ADAM10: variants seen among roughly 807,000 people sequenced by gnomAD.
ADAM10 encodes ADAM metallopeptidase domain 10.
ADAM10 carries 17 observed loss-of-function variants against 90.1 expected under a neutral mutation model. The ratio of observed to expected loss-of-function variants is 0.19; its 90% CI spans 0.13 to 0.28. ADAM10 has a LOEUF of 0.28. Ranked by LOEUF, ADAM10 falls within the 10% of genes least tolerant of loss-of-function variation. The probability of loss-of-function intolerance (pLI) is 1.00; values close to 1 mark genes in which losing one functional copy is unlikely to be tolerated. For missense variants in ADAM10, 610 were observed against 914.3 expected (o/e 0.67, Z 4.29); for synonymous variants, 310 against 298.6 (o/e 1.04, Z -0.40).
At chr15:58,652,200 T>G (rs1325474357) in intron 5 of ADAM10, among the ~76,000 whole-genome samples, 1 of 152,184 alleles carries the variant, frequency 6.6e-6, no homozygotes. Flanking sequence ...ATGGGTTGTC[T>G]CCCCACTTTG....
At position 58,597,299 on chromosome 15, in the gene ADAM10, G is replaced by A. The variant is rs1249063370; in HGVS notation, c.*248C>T. On this transcript the variant is annotated 3_prime_UTR_variant, in exon 16 of 16. Coordinates refer to ENST00000260408, the MANE Select transcript of ADAM10 (RefSeq NM_001110.4). Reference sequence around the variant, plus strand: ...ACATAATAATATTCTAAGACTTTGTGCCATTAAGTTAAAAATATCTGTTCA... The same window carrying A: ...ACATAATAATATTCTAAGACTTTGTACCATTAAGTTAAAAATATCTGTTCA... 3 of 1,292,098 alleles carry A rather than the reference G, an allele frequency of 2.3e-6. No homozygotes were observed. The highest frequency in any genetic ancestry group is 3.2e-6 in the Non-Finnish European group (3 of 946,574). The allele number at this position is 1,292,098 out of a possible 1,614,324, so 80.0% of individuals were successfully genotyped here.
chr15:58,654,444 A>G (rs561935021), intron 5 of ADAM10, among the ~76,000 whole-genome samples: 15 of 152,216 alleles, frequency 9.9e-5, no homozygotes, highest in Admixed American at 6.5e-5. Context: ...AAGTGGCACA[A>G]TCTTTCTCAC....
At chr15:58,736,069 T>C (rs1386083763) in intron 1 of ADAM10, among the ~76,000 whole-genome samples, 1 of 152,182 alleles carries the variant, frequency 6.6e-6, no homozygotes, top group Non-Finnish European at 1.5e-5. Context: ...TTGCTAAATA[T>C]CTTTCTATTT....
chr15:58,609,270 A>G (rs1895367308), intron 14 of ADAM10: 1 of 152,200 alleles, frequency 6.6e-6, no homozygotes, highest in Non-Finnish European at 1.5e-5. Flanking sequence ...CTGCTCAAGT[A>G]TTTGGTTTGA....
chr15:58,602,012 T>C (rs1209873283), intron 14 of ADAM10, among the ~76,000 whole-genome samples: 1 of 152,210 alleles, frequency 6.6e-6, no homozygotes, highest in Non-Finnish European at 1.5e-5. Context: ...CTGCCAAATT[T>C]TACCATGATT....
intron 1 of ADAM10, among the ~76,000 whole-genome samples, chr15:58,723,471 G>A (rs141095197): frequency 6.6e-6 from 1 of 152,084 alleles, no homozygotes; most frequent in African/African-American, 2.4e-5. Context: ...GATCACCTGA[G>A]GTCAGGAGTT....
intron 8 of ADAM10, among the ~76,000 whole-genome samples, chr15:58,639,005 G>GA (rs1281883989): frequency 1.3e-5 from 2 of 152,124 alleles, no homozygotes; most frequent in Non-Finnish European, 2.9e-5. Context: ...GATTTAGGAA[G>GA]AATTTTACCA....
At chr15:58,749,406 G>T in intron 1 of ADAM10, 74 bp downstream of exon 1, 4 of 1,373,866 alleles carry the variant, frequency 2.9e-6, no homozygotes, top group South Asian at 3.5e-5. Flanking sequence ...CGCGAGGCGC[G>T]ACTGGGCTCC....
intron 2 of ADAM10, among the ~76,000 whole-genome samples, chr15:58,689,952 CAAAAA>C (rs1555418399): frequency 9.2e-6 from 1 of 108,898 alleles, no homozygotes; most frequent in Non-Finnish European, 1.9e-5. Flanking sequence ...AGACCCCCCC[CAAAAA>C]AAAAAAAAAA....
In ADAM10 at chr15:58,691,767, C is replaced by T. The variant is rs1417753528; in HGVS notation, c.207-9453G>A. 15 of 342,454 alleles carry T rather than the reference C, an allele frequency of 4.4e-5. No homozygotes were observed. The East Asian group carries it at 1.2e-3, about 27-fold the overall frequency. The allele number at this position is 342,454 out of a possible 1,614,324, so 21.2% of individuals were successfully genotyped here. A position where few individuals can be genotyped will look rare whatever the true frequency, so the allele number is the denominator to read the frequency against. ...GCATGATCTTGGCTCACTGCAACTT[C>T]CGCCTCCCAGGTTCAAGCAATTCTC... On this transcript the variant is annotated intron_variant, in intron 2 of 15. Transcript: ENST00000260408.
intron 5 of ADAM10, among the ~76,000 whole-genome samples, chr15:58,657,175 T>G (rs1213367144): frequency 2.6e-5 from 4 of 152,236 alleles, no homozygotes; most frequent in Non-Finnish European, 5.9e-5. Context: ...TAGTCTTCAT[T>G]GGGTTAAATA....
chr15:58,683,991 A>G (rs1463703034), intron 2 of ADAM10, among the ~76,000 whole-genome samples: 1 of 152,160 alleles, frequency 6.6e-6, no homozygotes, highest in East Asian at 1.9e-4. Context: ...AAAATGGTAC[A>G]GTATTTGTAT....
intron 1 of ADAM10, among the ~76,000 whole-genome samples, chr15:58,730,293 C>T (rs1482840898): frequency 6.6e-6 from 1 of 152,212 alleles, no homozygotes; most frequent in Non-Finnish European, 1.5e-5. Flanking sequence ...TTCCAAATAA[C>T]GTAGAAGAAG....
chr15:58,680,785 G>C (rs1444394020), intron 3 of ADAM10, among the ~76,000 whole-genome samples: 2 of 152,094 alleles, frequency 1.3e-5, no homozygotes, highest in Non-Finnish European at 2.9e-5. Flanking sequence ...CTGGAGGTAA[G>C]AGCCCAAGAC....
chr15:58,591,254 T>C lies in ADAM10; in HGVS notation c.*6293A>G, dbSNP rs1894819272. 1 of 152,196 alleles carries C rather than the reference T, an allele frequency of 6.6e-6. No homozygotes were observed. Among genetic ancestry groups the C allele is most frequent in the African/African-American group, 2.4e-5 (1 of 41,444 alleles). The allele number at this position is 152,196 out of a possible 1,614,324, so 9.4% of individuals were successfully genotyped here. Reference sequence around the variant, plus strand: ...CACCCTAGCAGTTGAAATCAATTAATTATTCATTGTAACTGGAGCAGAATA... The same window carrying C: ...CACCCTAGCAGTTGAAATCAATTAACTATTCATTGTAACTGGAGCAGAATA... On this transcript the variant is annotated 3_prime_UTR_variant, in exon 16 of 16. Coordinates refer to ENST00000260408, the MANE Select transcript of ADAM10 (RefSeq NM_001110.4).
chr15:58,600,909 A>G (rs545238801), intron 14 of ADAM10, among the ~76,000 whole-genome samples: 5 of 152,266 alleles, frequency 3.3e-5, no homozygotes, highest in Non-Finnish European at 7.4e-5. Flanking sequence ...TGACTTAGGG[A>G]CTTACAACAA....
intron 11 of ADAM10, among the ~76,000 whole-genome samples, chr15:58,612,892 G>A (rs980897139): frequency 1.3e-5 from 2 of 152,168 alleles, no homozygotes; most frequent in Non-Finnish European, 2.9e-5. Context: ...CAGTAAACAT[G>A]CACTGCAAGA....
In ADAM10 at chr15:58,748,753, T is replaced by C. The variant is rs112863556; in HGVS notation, c.55+727A>G. ...GTTTACCCTTCTCCCGACCAAACCC[T>C]TTCCCCTGGGCGACAGAATGTTTTC... On this transcript the variant is annotated intron_variant, in intron 1 of 15. Transcript: ENST00000260408. The C allele has an allele frequency of 1.7e-3, 673 of 395,262 alleles. 7 individuals carry two copies. The highest frequency in any genetic ancestry group is 0.013 in the African/African-American group (608 of 48,618). 24.5% of individuals were successfully genotyped at this position (395,262 alleles called of 1,614,324 possible).
At chr15:58,630,130 T>G (rs1896063167) in intron 9 of ADAM10, among the ~76,000 whole-genome samples, 1 of 152,210 alleles carries the variant, frequency 6.6e-6, no homozygotes, top group South Asian at 2.1e-4. Flanking sequence ...AAATGAGCAC[T>G]GCAAAACTTG....
Sources: allele counts gnomAD v4.1 joint callset (sites outside exome capture counted in the v4.1 genomes callset), GRCh38; gene constraint gnomAD v4.1.1; transcripts MANE v1.5; gene names NCBI Gene and HGNC (gene_info 2026-07-23, HGNC 2026-07-21).